The following CELF6 variants were observed in gnomAD, a reference collection of about 807,000 sequenced individuals.
The protein encoded by CELF6 is Bruno -like 6, RNA binding protein.
In CELF6, 32 loss-of-function variants were observed where a neutral mutation model predicts 53.1. That is an observed-to-expected ratio of 0.60 (90% CI 0.46 to 0.81). CELF6 has a LOEUF of 0.81. CELF6 is among the 30% of genes least tolerant of loss of function. The pLI is 0.00. For missense variants in CELF6, 539 were observed against 669.5 expected, an observed-to-expected ratio of 0.81 and a Z score of 2.15; for synonymous variants, 291 against 288.8, an observed-to-expected ratio of 1.01 and a Z score of -0.08.
chr15:72,293,442 T>C (rs1267583859), intron 3 of CELF6, among the ~76,000 whole-genome samples: 1 of 152,154 alleles, frequency 6.6e-6, no homozygotes, highest in Non-Finnish European at 1.5e-5. Flanking sequence ...TCAAATTCTA[T>C]CATTTGGATA....
Position 72,288,485 on chromosome 15 carries a change from GGA to G in CELF6, c.1175-36_1175-35del. ...ACAGTAGCAAGCTGGTTCAGGGGAA[GGA>G]CCCTGAGTCCAGCCCCACCAGGTTC... On this transcript the variant is annotated intron_variant, in intron 10 of 12. Coordinates refer to ENST00000287202, the MANE Select transcript of CELF6 (RefSeq NM_052840.5). The surrounding 1 kb of genome is among the most constrained non-coding windows in gnomAD (Gnocchi z 4.6). The G allele has an allele frequency of 6.2e-7, 1 of 1,613,900 alleles. No individual in the cohort carries two copies. Among genetic ancestry groups the G allele is most frequent in the Non-Finnish European group, 8.5e-7 (1 of 1,179,758 alleles).
In CELF6 at chr15:72,319,697, G is replaced by T; in HGVS notation, c.178C>A (p.Gln60Lys). 1 of 1,593,030 alleles carries T rather than the reference G, an allele frequency of 6.3e-7. No homozygotes were observed. The highest frequency in any genetic ancestry group is 8.5e-7 in the Non-Finnish European group (1 of 1,169,862). Residue 60 changes from glutamine to lysine, a missense_variant, in exon 1 of 13, where the codon CAG (glutamine) becomes AAG (lysine). This residue lies in a region of CELF6 where 97 missense variants were observed against 168.8 expected (regional missense o/e 0.57). Transcript: ENST00000287202. The surrounding 1 kb of genome is among the most constrained non-coding windows in gnomAD (Gnocchi z 5.0). ...VGQIPRGLDE[Q>K]DLKPLFEEFG... Reference sequence around the variant, plus strand: ...TCCTCGAACAGCGGCTTGAGGTCCTGCTCGTCCAAGCCCCGCGGGATCTGC... The same window carrying T: ...TCCTCGAACAGCGGCTTGAGGTCCTTCTCGTCCAAGCCCCGCGGGATCTGC...
chr15:72,313,561 C>G (rs1319993782), intron 2 of CELF6: 1 of 154,172 alleles, frequency 6.5e-6, no homozygotes, highest in Non-Finnish European at 1.4e-5. Context: ...GCCTGGCATT[C>G]AAAGTTTCAT....
Position 72,289,174 on chromosome 15 carries a change from C to A in CELF6, c.994G>T (p.Asp332Tyr). Residue 332 changes from aspartate (D) to tyrosine (Y), a missense_variant, in exon 8 of 13, where the codon GAC becomes TAC. Asp to Tyr is a radical substitution (Grantham distance 160, BLOSUM62 -3). This residue lies in a region of CELF6 where 358 missense variants were observed against 412.8 expected (regional missense o/e 0.87). Coordinates refer to ENST00000287202, the MANE Select transcript of CELF6 (RefSeq NM_052840.5). This position sits in a 1 kb window ranked among gnomAD's most constrained non-coding sequence, Gnocchi z 7.6. Reference sequence around the variant, plus strand: ...GAGAGCCCGTTATTGTAGAGCGTGTCGGAGCCCGGCTGGCCATTGGTCTGG... The same window carrying A: ...GAGAGCCCGTTATTGTAGAGCGTGTAGGAGCCCGGCTGGCCATTGGTCTGG... ...TPQTNGQPGS[D>Y]TLYNNGLSPY... The A allele has an allele frequency of 6.4e-7, 1 of 1,557,466 alleles. No homozygotes were observed. The highest frequency in any genetic ancestry group is 8.6e-7 in the Non-Finnish European group (1 of 1,161,812).
chr15:72,288,981 A>C lies in CELF6; in HGVS notation c.1031-51T>G, dbSNP rs1216247105. The C allele has an allele frequency of 1.3e-6, 2 of 1,497,142 alleles. No individual in the cohort carries two copies. The highest frequency in any genetic ancestry group is 9.1e-7 in the Non-Finnish European group (1 of 1,101,870). 92.7% of individuals were successfully genotyped at this position (1,497,142 alleles called of 1,614,324 possible). A position where few individuals can be genotyped will look rare whatever the true frequency, so the allele number is the denominator to read the frequency against. ...ACAGTGAAGGCAAGCGGGCGAGCAGAGTGGGTGAGAAGCTCAGGGAGTGTG... is the reference window on the plus strand; with the variant it reads ...ACAGTGAAGGCAAGCGGGCGAGCAGCGTGGGTGAGAAGCTCAGGGAGTGTG... On this transcript the variant is annotated intron_variant, in intron 8 of 12. Coordinates refer to ENST00000287202, the MANE Select transcript of CELF6 (RefSeq NM_052840.5). This position sits in a 1 kb window ranked among gnomAD's most constrained non-coding sequence, Gnocchi z 4.6.
intron 2 of CELF6, among the ~76,000 whole-genome samples, chr15:72,308,567 A>T (rs1001737921): frequency 1.3e-5 from 2 of 152,182 alleles, no homozygotes; most frequent in African/African-American, 4.8e-5. Context: ...TATGAAACTG[A>T]AAGGTAGGCA....
At chr15:72,302,410 T>C (rs1469928927) in intron 3 of CELF6, among the ~76,000 whole-genome samples, 3 of 152,226 alleles carry the variant, frequency 2.0e-5, no homozygotes. Flanking sequence ...CAGGCAATAC[T>C]CTTTTTCAGC....
Position 72,285,217 on chromosome 15 carries a change from T to C in CELF6, c.*1154A>G, listed in dbSNP as rs1487202856. ...TGTAGTTTTTAAAGGAATGAAGAAG[T>C]ATTTTGGCAAAACATCTACTTCCCT... On this transcript the variant is annotated 3_prime_UTR_variant, in exon 13 of 13. Coordinates refer to ENST00000287202, the MANE Select transcript of CELF6 (RefSeq NM_052840.5). 1 of 152,630 alleles carries C rather than the reference T, an allele frequency of 6.6e-6. No homozygotes were observed. Among genetic ancestry groups the C allele is most frequent in the East Asian group, 1.9e-4 (1 of 5,198 alleles). The allele number at this position is 152,630 out of a possible 1,614,324, so 9.5% of individuals were successfully genotyped here.
At position 72,289,642 on chromosome 15, in the gene CELF6, G is replaced by T; in HGVS notation, c.732C>A (p.Gly244=). 6.7e-7 allele frequency: 1 copy of T among 1,502,232 alleles called. No homozygotes were observed. 93.1% of individuals were successfully genotyped at this position (1,502,232 alleles called of 1,614,324 possible). Residue 244 remains glycine (G), a synonymous_variant, in exon 6 of 13, where the codon GGC becomes GGA. Coordinates refer to ENST00000287202, the MANE Select transcript of CELF6 (RefSeq NM_052840.5). The surrounding 1 kb of genome is among the most constrained non-coding windows in gnomAD (Gnocchi z 7.6). ...CGGTACCTACCGCCGTGGTGTAGGCGCCGCAGGCCCCTAGCGGCAGTGGCG... is the reference window on the plus strand; with the variant it reads ...CGGTACCTACCGCCGTGGTGTAGGCTCCGCAGGCCCCTAGCGGCAGTGGCG... The part of the protein sequence containing the change: ...HPAPLPLGAC[G]AYTTAILQHQ...
At chr15:72,311,373 C>T (rs2088293481) in intron 2 of CELF6, among the ~76,000 whole-genome samples, 1 of 151,116 alleles carries the variant, frequency 6.6e-6, no homozygotes. Flanking sequence ...AGATGTATGC[C>T]TGAGTGAGAT....
chr15:72,299,214 C>T (rs2141193682), intron 3 of CELF6, among the ~76,000 whole-genome samples: 1 of 151,624 alleles, frequency 6.6e-6, no homozygotes, highest in South Asian at 2.1e-4. Flanking sequence ...CCAGCCTGGG[C>T]AACAGAGCGA....
rs538417210 is a variant in CELF6, at chr15:72,288,814, A to G, written c.1093+54T>C. ...GCCTAAATCCCCCACAACTCTCCCT[A>G]TTTCTTTCTAGGGCCCTTCAACCTC... is the stretch of plus-strand genomic sequence containing the variant. On this transcript the variant is annotated intron_variant, in intron 9 of 12. Transcript: ENST00000287202. This position sits in a 1 kb window ranked among gnomAD's most constrained non-coding sequence, Gnocchi z 4.6. 3 of 1,492,326 alleles carry G rather than the reference A, an allele frequency of 2.0e-6. No homozygotes were observed. Among genetic ancestry groups the G allele is most frequent in the South Asian group, 1.2e-5 (1 of 82,902 alleles). The allele number at this position is 1,492,326 out of a possible 1,614,324, so 92.4% of individuals were successfully genotyped here.
intron 3 of CELF6, among the ~76,000 whole-genome samples, chr15:72,291,392 T>C (rs1305157757): frequency 6.6e-6 from 1 of 152,150 alleles, no homozygotes; most frequent in Non-Finnish European, 1.5e-5. Flanking sequence ...GGCTTGACCA[T>C]GTAGGGGACA....
chr15:72,290,276 G>A, intron 3 of CELF6, 21 bp from the exon 4 acceptor site: 1 of 1,609,198 alleles, frequency 6.2e-7, no homozygotes. Context: ...AGCCAGGAAT[G>A]ACCTGGGGAC....
Position 72,289,523 on chromosome 15 carries a change from T to C in CELF6, c.748-16A>G. 3 of 1,505,102 alleles carry C rather than the reference T, an allele frequency of 2.0e-6. No homozygotes were observed. Among genetic ancestry groups the C allele is most frequent in the Non-Finnish European group, 2.7e-6 (3 of 1,131,114 alleles). 93.2% of individuals were successfully genotyped at this position (1,505,102 alleles called of 1,614,324 possible). A position where few individuals can be genotyped will look rare whatever the true frequency, so the allele number is the denominator to read the frequency against. ...GCTGCAGGATCTTTGAGAGGAAAGA[T>C]GGGCGAGAGTGGAGGGCCAAGGGGC... On this transcript the variant is annotated splice_polypyrimidine_tract_variant and intron_variant, in intron 6 of 12. Transcript: ENST00000287202. This position sits in a 1 kb window ranked among gnomAD's most constrained non-coding sequence, Gnocchi z 7.6.
At chr15:72,317,069 G>A (rs1381425144) in intron 1 of CELF6, among the ~76,000 whole-genome samples, 1 of 152,186 alleles carries the variant, frequency 6.6e-6, no homozygotes, top group Non-Finnish European at 1.5e-5. Context: ...TGGGGAAATG[G>A]ATAGGTTAGT....
chr15:72,319,732 A>G lies in CELF6; in HGVS notation c.143T>C (p.Leu48Pro). Reference protein sequence around the residue: ...VPMKDHDAIKLFVGQIPRGLD... With the variant: ...VPMKDHDAIKPFVGQIPRGLD... Reference sequence around the variant, plus strand: ...GCCCCGCGGGATCTGCCCCACGAAGAGCTTGATGGCGTCGTGGTCCTTCAT... The same window carrying G: ...GCCCCGCGGGATCTGCCCCACGAAGGGCTTGATGGCGTCGTGGTCCTTCAT... Residue 48 changes from leucine (L) to proline (P), a missense_variant, in exon 1 of 13, where the codon CTC (leucine) becomes CCC (proline). Leu to Pro is a moderately conservative substitution (Grantham distance 98, BLOSUM62 -3). Transcript: ENST00000287202. This position sits in a 1 kb window ranked among gnomAD's most constrained non-coding sequence, Gnocchi z 5.0. 1 of 1,602,212 alleles carries G rather than the reference A, an allele frequency of 6.2e-7. No homozygotes were observed. Among genetic ancestry groups the G allele is most frequent in the Non-Finnish European group, 8.5e-7 (1 of 1,174,270 alleles).
At chr15:72,316,036 A>C in intron 1 of CELF6, 109 bp from the exon 2 acceptor site, 1 of 686,296 alleles carries the variant, frequency 1.5e-6, no homozygotes, top group East Asian at 3.0e-5. Context: ...TTAAGCAAGG[A>C]CTCTGCTTTC....
In CELF6 at chr15:72,287,341, A is replaced by G. The variant is rs765370247; in HGVS notation, c.1370T>C (p.Met457Thr). The change falls in exon 12 of 13, where the codon ATG becomes ACG. Residue 457 changes from methionine (M) to threonine (T), a missense_variant. Physicochemically the swap from Met to Thr is moderately conservative, Grantham distance 81 (BLOSUM62 -1). Transcript: ENST00000287202. ...CTTCATGCCAATTTGAAAGCCATTC[A>G]TCGCCTGAATAGCAGTCTGGGCACT... ...PTSAQTAIQA[M>T]NGFQIGMKRL... The G allele has an allele frequency of 2.7e-5, 44 of 1,614,080 alleles. No individual in the cohort carries two copies. Among genetic ancestry groups the G allele is most frequent in the Non-Finnish European group, 3.7e-5 (44 of 1,180,024 alleles).
Sources: gnomAD v4.1 joint callset for allele counts (sites outside exome capture counted in the v4.1 genomes callset) on GRCh38, gnomAD v4.1.1 for gene constraint, gnomAD v4.1.1 regional missense constraint, Gnocchi (gnomAD v3.1) non-coding constraint, MANE v1.5 for transcripts, NCBI Gene and HGNC (gene_info 2026-07-23, HGNC 2026-07-21) for gene names.